Variants in GALNT17 observed in about 807,000 individuals in gnomAD.
The protein encoded by GALNT17 is UDP-GalNAc:polypeptide N-acetylgalactosaminyltransferase-like 3.
A neutral mutation model predicts 63.7 loss-of-function variants in GALNT17; 29 were observed. The ratio of observed to expected loss-of-function variants is 0.46; its 90% CI spans 0.34 to 0.62. GALNT17 has a LOEUF of 0.62. GALNT17 is among the 20% of genes least tolerant of loss of function. The probability of loss-of-function intolerance (pLI) is 0.01; values close to 1 mark genes in which losing one functional copy is unlikely to be tolerated. For synonymous variants in GALNT17, 305 were observed against 318.3 expected (o/e 0.96, Z 0.45); for missense variants, 603 against 799.6 (o/e 0.75, Z 2.97).
chr7:71,380,236 G>A (rs1290627495), intron 2 of GALNT17, among the ~76,000 whole-genome samples: 1 of 152,132 alleles, frequency 6.6e-6, no homozygotes, highest in Admixed American at 6.6e-5. Flanking sequence ...GAATGAATGA[G>A]AGGTAAAGAA....
intron 5 of GALNT17, among the ~76,000 whole-genome samples, chr7:71,559,292 G>A (rs1789214807): frequency 6.6e-6 from 1 of 152,136 alleles, no homozygotes; most frequent in African/African-American, 2.4e-5. Flanking sequence ...TATATTTTTA[G>A]TGTTTAGCAG....
chr7:71,136,650 A>C (rs1341773429), intron 1 of GALNT17, among the ~76,000 whole-genome samples: 1 of 151,798 alleles, frequency 6.6e-6, no homozygotes, highest in Non-Finnish European at 1.5e-5. Flanking sequence ...ATGCCCGGCT[A>C]ATTTTTGTGT....
intron 3 of GALNT17, among the ~76,000 whole-genome samples, chr7:71,395,727 A>G (rs560275345): frequency 6.6e-6 from 1 of 152,304 alleles, no homozygotes; most frequent in African/African-American, 2.4e-5. Context: ...CACCATTCAT[A>G]TATGAGGGTT....
intron 5 of GALNT17, among the ~76,000 whole-genome samples, chr7:71,524,121 A>C (rs1416525429): frequency 6.6e-6 from 1 of 151,020 alleles, no homozygotes; most frequent in Non-Finnish European, 1.5e-5. Context: ...TGTCTCAAAG[A>C]AAAAGAAAAA....
rs1056597341 is a variant in GALNT17 at position 71,420,923 on chromosome 7, A to G, written c.780A>G (p.Leu260=). ...TATGTTTCAGGGCTGAGCCGGTTCT[A>G]TCCCGCATCCAGGAAAACCGGAAGC... ...EFTAGWAEPV[L]SRIQENRKRV... Residue 260 remains leucine, a synonymous_variant, in exon 5 of 11, where the codon CTA becomes CTG. Coordinates refer to ENST00000333538, the MANE Select transcript of GALNT17 (RefSeq NM_022479.3). The G allele has an allele frequency of 6.2e-7, 1 of 1,614,158 alleles. No homozygotes were observed. Among genetic ancestry groups the G allele is most frequent in the South Asian group, 1.1e-5 (1 of 91,084 alleles).
chr7:71,323,443 ATT>A (rs1791651676), intron 1 of GALNT17, among the ~76,000 whole-genome samples: 1 of 152,110 alleles, frequency 6.6e-6, no homozygotes, highest in Non-Finnish European at 1.5e-5. Context: ...CTTAGGGAAC[ATT>A]TTACTCCATT....
intron 1 of GALNT17, among the ~76,000 whole-genome samples, chr7:71,146,507 C>T (rs1367439396): frequency 3.9e-5 from 6 of 152,182 alleles, no homozygotes; most frequent in South Asian, 2.1e-4. Context: ...AATTATCTCC[C>T]GCTTAGCAGT....
chr7:71,448,965 A>G (rs1414395174), intron 5 of GALNT17, among the ~76,000 whole-genome samples: 1 of 152,004 alleles, frequency 6.6e-6, no homozygotes, highest in Non-Finnish European at 1.5e-5. Context: ...GTTATCTTCT[A>G]TTTCTTGACT....
At chr7:71,686,727 G>A (rs1217967959) in intron 9 of GALNT17, among the ~76,000 whole-genome samples, 1 of 151,996 alleles carries the variant, frequency 6.6e-6, no homozygotes, top group African/African-American at 2.4e-5. Context: ...TCACTTTTGA[G>A]GACCATAGTT....
At position 71,639,963 on chromosome 7, in the gene GALNT17, T is replaced by G. The variant is rs1207429774; in HGVS notation, c.1081-25448T>G. Reference sequence around the variant, plus strand: ...ATAAGGATAATCATTTCTCGCAATCTGGAAACCATGTTATTTAGAAAATTA... The same window carrying G: ...ATAAGGATAATCATTTCTCGCAATCGGGAAACCATGTTATTTAGAAAATTA... On this transcript the variant is annotated intron_variant, in intron 6 of 10. Transcript: ENST00000333538. 2.6e-5 allele frequency among the ~76,000 whole-genome samples: 4 copies of G among 152,166 alleles called. No homozygotes were observed. In the East Asian group the frequency reaches 5.8e-4, roughly 22 times the overall value.
At chr7:71,548,014 A>G (rs529507288) in intron 5 of GALNT17, among the ~76,000 whole-genome samples, 45 of 152,180 alleles carry the variant, frequency 3.0e-4, no homozygotes, top group African/African-American at 1.1e-3. Context: ...GATTGCTTGA[A>G]GTCAGGAGTT....
intron 1 of GALNT17, among the ~76,000 whole-genome samples, chr7:71,160,593 G>C (rs1052584009): frequency 6.6e-6 from 1 of 152,016 alleles, no homozygotes; most frequent in African/African-American, 2.4e-5. Context: ...CAAGTAGCTG[G>C]GATTACAGGT....
At chr7:71,189,254 T>C (rs562177950) in intron 1 of GALNT17, among the ~76,000 whole-genome samples, 3 of 152,308 alleles carry the variant, frequency 2.0e-5, no homozygotes, top group South Asian at 2.1e-4. Context: ...CCATGTAAGA[T>C]GTGCCTTTCA....
chr7:71,684,222 G>C (rs945137083), intron 9 of GALNT17, among the ~76,000 whole-genome samples: 2 of 152,094 alleles, frequency 1.3e-5, no homozygotes, highest in African/African-American at 4.8e-5. Context: ...CCTGCACGGA[G>C]AGCACCCTCC....
chr7:71,606,348 T>G (rs1428191534), intron 6 of GALNT17, among the ~76,000 whole-genome samples: 3 of 152,208 alleles, frequency 2.0e-5, no homozygotes, highest in Non-Finnish European at 4.4e-5. Context: ...ATCTGTCACC[T>G]TTGGTGGTCA....
chr7:71,228,977 TCCC>T (rs1245060279), intron 1 of GALNT17, among the ~76,000 whole-genome samples: 2 of 152,126 alleles, frequency 1.3e-5, no homozygotes, highest in Non-Finnish European at 2.9e-5. Context: ...GCTGTTCAGT[TCCC>T]CTATGCCTGG....
chr7:71,439,209 A>G (rs554954946), intron 5 of GALNT17, among the ~76,000 whole-genome samples: 1 of 152,268 alleles, frequency 6.6e-6, no homozygotes, highest in East Asian at 1.9e-4. Flanking sequence ...CAGGAGAGAC[A>G]TTTTAAATGC....
At chr7:71,659,296 C>G (rs1790872210) in intron 6 of GALNT17, among the ~76,000 whole-genome samples, 1 of 152,184 alleles carries the variant, frequency 6.6e-6, no homozygotes. Context: ...AATTTAGTGG[C>G]CTAAATAACA....
chr7:71,563,902 T>C, intron 5 of GALNT17, among the ~76,000 whole-genome samples: 1 of 152,108 alleles, frequency 6.6e-6, no homozygotes, highest in East Asian at 1.9e-4. Context: ...TGTGTAGTGA[T>C]AGAGATTTTT....
Sources: allele counts gnomAD v4.1 joint callset (sites outside exome capture counted in the v4.1 genomes callset), GRCh38; gene constraint gnomAD v4.1.1; transcripts MANE v1.5; gene names NCBI Gene and HGNC (gene_info 2026-07-23, HGNC 2026-07-21).